The following C1orf94 variants were observed in gnomAD, a reference collection of about 807,000 sequenced individuals.
The protein encoded by C1orf94 is chromosome 1 open reading frame 94.
Under a neutral mutation model 53.6 loss-of-function variants are expected in C1orf94, and 45 were observed. That is an observed-to-expected ratio of 0.84 (90% CI 0.66 to 1.08). The LOEUF is 1.08. Ranked by LOEUF, C1orf94 falls within the 50% of genes least tolerant of loss-of-function variation. C1orf94 has a pLI of 0.00. For synonymous variants in C1orf94, 304 were observed against 296.1 expected (o/e 1.03, Z -0.27); for missense variants, 762 against 738.9 (o/e 1.03, Z -0.36).
chr1:34,201,612 A>G (rs1219147738), intron 3 of C1orf94, among the ~76,000 whole-genome samples: 2 of 152,234 alleles, frequency 1.3e-5, no homozygotes, highest in Admixed American at 1.3e-4. Flanking sequence ...ATTCCCATAT[A>G]GATACAACAA....
Position 34,208,232 on chromosome 1 carries a change from C to G in C1orf94, c.1522C>G (p.Gln508Glu). Residue 508 changes from glutamine (Q) to glutamate (E), a missense_variant and splice_region_variant, in exon 5 of 7, where the codon CAG (glutamine) becomes GAG (glutamate). Coordinates refer to ENST00000488417, the MANE Select transcript of C1orf94 (RefSeq NM_001134734.2). ...CCCGCAGCTGGGATGTTACTCCCAA[C>G]AGGTGAGTAGACGATCTCTCCTCCT... The part of the protein sequence containing the change: ...LHPQLGCYSQ[Q>E]VMPYNPQQMG... The G allele has an allele frequency of 1.9e-6, 3 of 1,613,712 alleles. No individual in the cohort carries two copies. The highest frequency in any genetic ancestry group is 2.5e-6 in the Non-Finnish European group (3 of 1,179,832).
intron 6 of C1orf94, among the ~76,000 whole-genome samples, chr1:34,217,285 G>A (rs1455347206): frequency 2.0e-5 from 3 of 152,100 alleles, no homozygotes; most frequent in East Asian, 1.9e-4. Flanking sequence ...GCCGGTGGCC[G>A]TTGATCTGAT....
chr1:34,175,234 C>A (rs901576058), upstream of C1orf94, among the ~76,000 whole-genome samples: 1 of 149,370 alleles, frequency 6.7e-6, no homozygotes, highest in Non-Finnish European at 1.5e-5. Context: ...ATTTAGCCCC[C>A]GTTGCCTGGT....
intron 1 of C1orf94, among the ~76,000 whole-genome samples, chr1:34,185,479 C>A (rs297781): frequency 0.054 from 8,141 of 152,150 alleles, 495 homozygotes; most frequent in African/African-American, 0.14. Context: ...TGCACCCAGC[C>A]TTTCCCTCTC....
chr1:34,190,578 G>T (rs1318222), intron 1 of C1orf94, among the ~76,000 whole-genome samples: 20,666 of 152,164 alleles, frequency 0.14, 1,965 homozygotes, highest in African/African-American at 0.27. Flanking sequence ...AAAAGACAAA[G>T]GTGCAAAGAA....
At chr1:34,211,942 A>T (rs1642895441) in intron 5 of C1orf94, among the ~76,000 whole-genome samples, 1 of 152,062 alleles carries the variant, frequency 6.6e-6, no homozygotes, top group African/African-American at 2.4e-5. Context: ...CTGTCTCTCT[A>T]CTTGTATCAC....
chr1:34,200,675 G>A, intron 2 of C1orf94, 97 bp from the exon 3 acceptor site: 2 of 1,513,056 alleles, frequency 1.3e-6, no homozygotes, highest in Non-Finnish European at 1.8e-6. Flanking sequence ...TCAGGTGTGT[G>A]CTGCAGAGGA....
chr1:34,202,378 A>G (rs1642725763), intron 4 of C1orf94, 119 bp downstream of exon 4: 1 of 1,141,564 alleles, frequency 8.8e-7, no homozygotes, highest in Admixed American at 2.7e-5. Flanking sequence ...TCCCTTCCCT[A>G]CATGCAAGAG....
chr1:34,184,286 G>T (rs997937685), intron 1 of C1orf94, among the ~76,000 whole-genome samples: 1 of 152,184 alleles, frequency 6.6e-6, no homozygotes, highest in Non-Finnish European at 1.5e-5. Flanking sequence ...GAGCCCAGCA[G>T]CAGGCGCAGG....
chr1:34,212,638 T>G (rs967048568), intron 6 of C1orf94, among the ~76,000 whole-genome samples: 2 of 152,178 alleles, frequency 1.3e-5, no homozygotes, highest in African/African-American at 4.8e-5. Context: ...CAGGTCTGGT[T>G]GCAGAAATGC....
chr1:34,208,267 G>A (rs768148966), intron 5 of C1orf94, 33 bp downstream of exon 5: 5 of 1,602,090 alleles, frequency 3.1e-6, no homozygotes, highest in East Asian at 4.5e-5. Context: ...TCTGTCCTGG[G>A]TCCATGAAGG....
In C1orf94 at chr1:34,197,114, T is replaced by C. The variant is rs1468925646; in HGVS notation, c.321-111T>C. On this transcript the variant is annotated intron_variant, in intron 1 of 6. Coordinates refer to ENST00000488417, the MANE Select transcript of C1orf94 (RefSeq NM_001134734.2). The surrounding 1 kb of genome is among the most constrained non-coding windows in gnomAD (Gnocchi z 4.1). The stretch of plus-strand genomic sequence containing the variant: ...CTGGGTTATCTTGCCTGGAAGTGTG[T>C]TTTTGTCATGTTATGCATCCATCTC... 1.0e-6 allele frequency: 1 copy of C among 1,004,378 alleles called. No individual in the cohort carries two copies. The highest frequency in any genetic ancestry group is 1.4e-6 in the Non-Finnish European group (1 of 693,528). The allele number at this position is 1,004,378 out of a possible 1,614,324, so 62.2% of individuals were successfully genotyped here. A position where few individuals can be genotyped will look rare whatever the true frequency, so the allele number is the denominator to read the frequency against.
chr1:34,214,564 G>A (rs1642951742), intron 6 of C1orf94, among the ~76,000 whole-genome samples: 2 of 152,208 alleles, frequency 1.3e-5, no homozygotes, highest in Admixed American at 6.5e-5. Flanking sequence ...CACATTCTGT[G>A]CTGTGACTCT....
At chr1:34,185,799 C>T (rs1021294762) in intron 1 of C1orf94, among the ~76,000 whole-genome samples, 2 of 152,234 alleles carry the variant, frequency 1.3e-5, no homozygotes, top group African/African-American at 2.4e-5. Flanking sequence ...TCTCATGGCT[C>T]GCCTTGTCCT....
chr1:34,211,318 G>A (rs1394619612), intron 5 of C1orf94, among the ~76,000 whole-genome samples: 3 of 152,018 alleles, frequency 2.0e-5, no homozygotes, highest in African/African-American at 7.2e-5. Context: ...ACATATGTTT[G>A]TTAAGCAGTG....
chr1:34,169,040 G>A (rs888698582), intron 1 of C1orf94, among the ~76,000 whole-genome samples: 3 of 152,172 alleles, frequency 2.0e-5, no homozygotes, highest in African/African-American at 2.4e-5. Context: ...TTAGTGAAAA[G>A]TAGACAGCTC....
At chr1:34,185,526 C>T (rs1007570060) in intron 1 of C1orf94, among the ~76,000 whole-genome samples, 1 of 152,158 alleles carries the variant, frequency 6.6e-6, no homozygotes, top group Non-Finnish European at 1.5e-5. Flanking sequence ...CACCCCAGTC[C>T]CATTGACACT....
At chr1:34,195,320 T>A (rs959119834) in intron 1 of C1orf94, among the ~76,000 whole-genome samples, 1 of 151,870 alleles carries the variant, frequency 6.6e-6, no homozygotes, top group Non-Finnish European at 1.5e-5. Flanking sequence ...ATGAGGCAGG[T>A]GATGTTAGGT....
chr1:34,178,731 C>T (rs980344686), intron 1 of C1orf94, among the ~76,000 whole-genome samples: 3 of 152,098 alleles, frequency 2.0e-5, no homozygotes, highest in Non-Finnish European at 2.9e-5. Context: ...GTTTCTCCAT[C>T]AGGGCAAAGT....
Sources: allele counts gnomAD v4.1 joint callset (sites outside exome capture counted in the v4.1 genomes callset), GRCh38; gene constraint gnomAD v4.1.1; non-coding constraint Gnocchi (gnomAD v3.1); transcripts MANE v1.5; gene names NCBI Gene and HGNC (gene_info 2026-07-23, HGNC 2026-07-21).